Variants in PIK3C2B observed in about 807,000 individuals in gnomAD.
PIK3C2B encodes phosphatidylinositol-4-phosphate 3-kinase catalytic subunit type 2 beta.
In PIK3C2B, 83 loss-of-function variants were observed where a neutral mutation model predicts 184.3. The ratio of observed to expected loss-of-function variants is 0.45; its 90% CI spans 0.38 to 0.54. The LOEUF (loss-of-function observed/expected upper bound fraction) is 0.54, where lower values mean the gene tolerates loss of function less well. Ranked by LOEUF, PIK3C2B falls within the 20% of genes least tolerant of loss-of-function variation. The pLI is 0.00. For synonymous variants in PIK3C2B, 779 were observed against 837.6 expected (o/e 0.93, Z 1.21); for missense variants, 1,736 against 2,113.5 (o/e 0.82, Z 3.50).
Position 204,469,355 on chromosome 1 carries a change from A to G in PIK3C2B, c.448T>C (p.Ser150Pro), listed in dbSNP as rs1214005750. Residue 150 changes from serine to proline, a missense_variant, in exon 2 of 33, where the codon TCT becomes CCT. Physicochemically the swap from Ser to Pro is moderately conservative, Grantham distance 74. Transcript: ENST00000684373. ...SSPGPGDIEG[S>P]CKKLSPPPLP... ...GGAGGTGGGGATAGTTTCTTGCAAG[A>G]GCCCTCTATGTCCCCTGGTCCTGGG... is the stretch of plus-strand genomic sequence containing the variant. The G allele has an allele frequency of 1.3e-6, 2 of 1,527,188 alleles. No homozygotes were observed. Among genetic ancestry groups the G allele is most frequent in the Non-Finnish European group, 1.8e-6 (2 of 1,140,060 alleles). 94.6% of individuals were successfully genotyped at this position (1,527,188 alleles called of 1,614,324 possible).
In PIK3C2B at chr1:204,469,238, T is replaced by C. The variant is rs1234641806; in HGVS notation, c.565A>G (p.Ile189Val). The change falls in exon 2 of 33, where the codon ATC becomes GTC. Residue 189 changes from isoleucine (I) to valine (V), a missense_variant. Transcript: ENST00000684373. ...SSSKISQPSDINTFSLVEQLP... is the reference protein window; with the variant it reads ...SSSKISQPSDVNTFSLVEQLP... ...TGTTCGACCAAAGAGAAAGTGTTGATGTCACTGGGCTGGGAGATCTTGGAG... is the reference window on the plus strand; with the variant it reads ...TGTTCGACCAAAGAGAAAGTGTTGACGTCACTGGGCTGGGAGATCTTGGAG... 1.4e-5 allele frequency: 22 copies of C among 1,594,148 alleles called. No homozygotes were observed. The highest frequency in any genetic ancestry group is 1.7e-5 in the Non-Finnish European group (20 of 1,168,154).
intron 1 of PIK3C2B, among the ~76,000 whole-genome samples, chr1:204,484,480 A>G (rs767710984): frequency 1.3e-5 from 2 of 152,152 alleles, no homozygotes; most frequent in African/African-American, 2.4e-5. Context: ...GGCTCACTCA[A>G]TTCCAGCACT....
chr1:204,437,839 G>C (rs1675435595), intron 23 of PIK3C2B, among the ~76,000 whole-genome samples: 1 of 152,226 alleles, frequency 6.6e-6, no homozygotes, highest in Non-Finnish European at 1.5e-5. Context: ...CCGAGTTTGA[G>C]ACGTGGGTGA....
intron 28 of PIK3C2B, among the ~76,000 whole-genome samples, chr1:204,431,017 C>A (rs1004968933): frequency 1.2e-4 from 18 of 152,212 alleles, no homozygotes; most frequent in Admixed American, 5.2e-4. Flanking sequence ...CCATCTTAAC[C>A]ATTTTTAAGT....
At chr1:204,432,081 A>C in intron 27 of PIK3C2B, 119 bp downstream of exon 27, 1 of 924,050 alleles carries the variant, frequency 1.1e-6, no homozygotes, top group South Asian at 1.5e-5. Flanking sequence ...GACTGCTCCC[A>C]GCACAGGACG....
At chr1:204,478,945 G>T (rs1475687843) in intron 1 of PIK3C2B, among the ~76,000 whole-genome samples, 1 of 152,170 alleles carries the variant, frequency 6.6e-6, no homozygotes. Flanking sequence ...AAACCATTTG[G>T]TCTCATGCAC....
intron 10 of PIK3C2B, 143 bp downstream of exon 10, chr1:204,456,893 CA>C (rs1558257130): frequency 5.9e-5 from 33 of 557,432 alleles, no homozygotes; most frequent in Middle Eastern, 4.5e-4. Flanking sequence ...CACACACACA[CA>C]CACACACACA....
intron 22 of PIK3C2B, among the ~76,000 whole-genome samples, 154 bp downstream of exon 22, chr1:204,440,038 A>G (rs539827507): frequency 1.3e-5 from 2 of 152,030 alleles, no homozygotes; most frequent in African/African-American, 4.8e-5. Context: ...GTCTTCTCCC[A>G]TGCCTCCCTT....
chr1:204,460,216 A>T (rs1163319895), intron 7 of PIK3C2B, 108 bp downstream of exon 7: 2 of 892,594 alleles, frequency 2.2e-6, no homozygotes, highest in African/African-American at 3.3e-5. Context: ...CCAACCCCTG[A>T]CACCTGCAAG....
In PIK3C2B at chr1:204,455,215, G is replaced by A. The variant is rs539112321; in HGVS notation, c.1944-424C>T. Among the ~76,000 whole-genome samples the A allele has an allele frequency of 5.3e-5, 8 of 152,362 alleles. No individual in the cohort carries two copies. In the South Asian group the frequency reaches 1.7e-3, roughly 32 times the overall value. ...GGGGTCCCTGTGGCTCATGACAGGT[G>A]CCTGACAGAAGAGGTCAGAGAAGGC... On this transcript the variant is annotated intron_variant, in intron 11 of 32. Coordinates refer to ENST00000684373, the MANE Select transcript of PIK3C2B (RefSeq NM_001377334.1).
intron 12 of PIK3C2B, among the ~76,000 whole-genome samples, chr1:204,454,139 T>A (rs1449208331): frequency 6.6e-6 from 1 of 152,074 alleles, no homozygotes; most frequent in East Asian, 1.9e-4. Context: ...TCTCATTGGA[T>A]CCTCATGACA....
chr1:204,476,942 T>C (rs781148362), intron 1 of PIK3C2B, among the ~76,000 whole-genome samples: 1 of 152,254 alleles, frequency 6.6e-6, no homozygotes, highest in Non-Finnish European at 1.5e-5. Context: ...ACCACCTGCC[T>C]GCAATAATTG....
chr1:204,460,140 A>C (rs1655207122), intron 7 of PIK3C2B, among the ~76,000 whole-genome samples, 184 bp downstream of exon 7: 1 of 152,216 alleles, frequency 6.6e-6, no homozygotes, highest in Non-Finnish European at 1.5e-5. Context: ...AATGATGGCA[A>C]AGTTCCAGAG....
rs187016213 is a variant in PIK3C2B at position 204,430,947 on chromosome 1, C to T, written c.4280+722G>A. Among the ~76,000 whole-genome samples, 940 of 152,350 alleles carry T rather than the reference C, an allele frequency of 6.2e-3. 7 individuals carry two copies. The highest frequency in any genetic ancestry group is 0.021 in the African/African-American group (874 of 41,586). On this transcript the variant is annotated intron_variant, in intron 28 of 32. Transcript: ENST00000684373. ...GGGATTACAGGCGTGAACCACTGCGCCCGGCCTGAAAAGTAGTTTTTAAAA... is the reference window on the plus strand; with the variant it reads ...GGGATTACAGGCGTGAACCACTGCGTCCGGCCTGAAAAGTAGTTTTTAAAA...
At chr1:204,475,533 T>C (rs1205012951) in intron 1 of PIK3C2B, among the ~76,000 whole-genome samples, 2 of 152,120 alleles carry the variant, frequency 1.3e-5, no homozygotes, top group Non-Finnish European at 2.9e-5. Flanking sequence ...ATGTAGGTGG[T>C]GTGCTCCTTA....
chr1:204,460,231 C>T, intron 7 of PIK3C2B, 93 bp downstream of exon 7: 1 of 1,036,868 alleles, frequency 9.6e-7, no homozygotes, highest in South Asian at 1.3e-5. Flanking sequence ...TGCAAGAATC[C>T]CTTAGCCCTG....
intron 16 of PIK3C2B, among the ~76,000 whole-genome samples, chr1:204,445,312 G>A (rs1336014734): frequency 6.6e-6 from 1 of 152,050 alleles, no homozygotes; most frequent in Non-Finnish European, 1.5e-5. Flanking sequence ...GTATAAAAAG[G>A]CTGGGCATGG....
intron 1 of PIK3C2B, among the ~76,000 whole-genome samples, chr1:204,492,561 C>G (rs1658075152): frequency 6.6e-6 from 1 of 152,146 alleles, no homozygotes; most frequent in Non-Finnish European, 1.5e-5. Flanking sequence ...AGTGGGGACA[C>G]CACCAAGCGG....
chr1:204,469,377 T>C lies in PIK3C2B; in HGVS notation c.426A>G (p.Pro142=). ...AAGAGCCCTCTATGTCCCCTGGTCC[T>C]GGGGACGAAGAGACTCCCCCATCTG... is the stretch of plus-strand genomic sequence containing the variant. The part of the protein sequence containing the change: ...DGSDGGVSSS[P]GPGDIEGSCK... The change falls in exon 2 of 33, where the codon CCA becomes CCG. Residue 142 remains proline (P), a synonymous_variant. Transcript: ENST00000684373. The C allele has an allele frequency of 6.5e-7, 1 of 1,531,392 alleles. No homozygotes were observed. The highest frequency in any genetic ancestry group is 8.7e-7 in the Non-Finnish European group (1 of 1,142,982). 94.9% of individuals were successfully genotyped at this position (1,531,392 alleles called of 1,614,324 possible).
Sources: gnomAD v4.1 joint callset for allele counts (sites outside exome capture counted in the v4.1 genomes callset) on GRCh38, gnomAD v4.1.1 for gene constraint, MANE v1.5 for transcripts, NCBI Gene and HGNC (gene_info 2026-07-23, HGNC 2026-07-21) for gene names.